The following ZNF644 variants were observed in gnomAD, a reference collection of about 807,000 sequenced individuals.
The protein encoded by ZNF644 is zinc finger motif enhancer binding protein 2.
Under a neutral mutation model 108.0 loss-of-function variants are expected in ZNF644, and 20 were observed. The ratio of observed to expected loss-of-function variants is 0.19; its 90% confidence interval spans 0.13 to 0.27. The LOEUF is 0.27. Among genes scored for constraint, ZNF644 ranks in the 10% least tolerant of loss-of-function variants. The pLI is 1.00. For missense variants in ZNF644, 1,338 were observed against 1,548.9 expected (o/e 0.86, Z 2.29); for synonymous variants, 542 against 539.1 (o/e 1.01, Z -0.08).
chr1:90,928,177 G>C (rs530454953), intron 4 of ZNF644, among the ~76,000 whole-genome samples: 4 of 151,304 alleles, frequency 2.6e-5, no homozygotes, highest in East Asian at 3.9e-4. Flanking sequence ...TTATGAGACG[G>C]AGTCTCACTC....
intron 2 of ZNF644, among the ~76,000 whole-genome samples, chr1:90,947,058 G>A (rs1017179714): frequency 3.9e-5 from 6 of 152,110 alleles, no homozygotes; most frequent in African/African-American, 1.2e-4. Context: ...GCCCTACAAA[G>A]ACATAACTTT....
At chr1:91,016,000 CA>C (rs1660399630) in intron 1 of ZNF644, among the ~76,000 whole-genome samples, 2 of 152,192 alleles carry the variant, frequency 1.3e-5, no homozygotes, top group African/African-American at 4.8e-5. Context: ...GCCTAGTGCT[CA>C]CACAGCTAAA....
intron 1 of ZNF644, among the ~76,000 whole-genome samples, chr1:90,998,965 GAATGA>G (rs1295443314): frequency 6.6e-6 from 1 of 152,246 alleles, no homozygotes; most frequent in Non-Finnish European, 1.5e-5. Context: ...AAGATCAAAT[GAATGA>G]AATGAAATGA....
At position 90,939,099 on chromosome 1, in the gene ZNF644, T is replaced by G; in HGVS notation, c.2255A>C (p.Lys752Thr). The change falls in exon 3 of 6, where the codon AAA becomes ACA. Residue 752 changes from lysine (K) to threonine (T), a missense_variant. Physicochemically the swap from Lys to Thr is moderately conservative, Grantham distance 78. Transcript: ENST00000337393. ...ATGCACAGGATATGATTCACCTGAT[T>G]TTTTGATCATCCTATAGTTTTCATA... ...HKYENYRMIK[K>T]SGESYPVHFK... 2 of 1,614,006 alleles carry G rather than the reference T, an allele frequency of 1.2e-6. No individual in the cohort carries two copies. Among genetic ancestry groups the G allele is most frequent in the Non-Finnish European group, 1.7e-6 (2 of 1,179,912 alleles).
chr1:90,962,989 GATA>G (rs1415938525), intron 2 of ZNF644, among the ~76,000 whole-genome samples: 3 of 152,058 alleles, frequency 2.0e-5, no homozygotes, highest in Non-Finnish European at 2.9e-5. Flanking sequence ...TTCATTAACA[GATA>G]ATATTAAGAA....
rs375683355 is a variant in ZNF644 at position 90,972,305 on chromosome 1, T to C, written c.44+10005A>G. 1.1e-4 allele frequency among the ~76,000 whole-genome samples: 16 copies of C among 152,114 alleles called. No individual in the cohort carries two copies. The East Asian group carries it at 2.9e-3, about 28-fold the overall frequency. The stretch of plus-strand genomic sequence containing the variant: ...ACAACTCAACAGAAAAACAACATGA[T>C]TAAAAAATGGGCAAAAGACTTGAAT... On this transcript the variant is annotated intron_variant, in intron 2 of 5. Coordinates refer to ENST00000337393, the MANE Select transcript of ZNF644 (RefSeq NM_201269.3).
chr1:90,929,597 A>G (rs928279395), intron 4 of ZNF644, among the ~76,000 whole-genome samples: 3 of 152,246 alleles, frequency 2.0e-5, no homozygotes, highest in Non-Finnish European at 2.9e-5. Flanking sequence ...TCATGAATGA[A>G]CAAATAATTT....
At chr1:90,994,985 C>T (rs1438680476) in intron 1 of ZNF644, among the ~76,000 whole-genome samples, 1 of 152,138 alleles carries the variant, frequency 6.6e-6, no homozygotes, top group Non-Finnish European at 1.5e-5. Flanking sequence ...ACCTGCAACT[C>T]TAAGAACATT....
At chr1:90,926,870 C>T (rs1292347154) in intron 4 of ZNF644, among the ~76,000 whole-genome samples, 2 of 152,146 alleles carry the variant, frequency 1.3e-5, no homozygotes, top group African/African-American at 4.8e-5. Flanking sequence ...ATTTAAAAAG[C>T]AATTTCAAAA....
intron 2 of ZNF644, among the ~76,000 whole-genome samples, chr1:90,958,120 T>C (rs1653932126): frequency 6.7e-6 from 1 of 149,842 alleles, no homozygotes; most frequent in Admixed American, 6.7e-5. Context: ...AAATAAAAAC[T>C]AGCTGGGCGT....
intron 2 of ZNF644, among the ~76,000 whole-genome samples, chr1:90,942,250 A>C (rs1557577883): frequency 6.6e-6 from 1 of 152,224 alleles, no homozygotes. Flanking sequence ...AAATGTAGAT[A>C]AAACTTTTCT....
chr1:90,975,436 C>CTT (rs1243944087), intron 2 of ZNF644, among the ~76,000 whole-genome samples: 53 of 135,346 alleles, frequency 3.9e-4, no homozygotes, highest in African/African-American at 6.8e-4. Context: ...CAAATATCTA[C>CTT]TTTTTTTTTT....
chr1:90,921,022 T>C (rs939066766), intron 4 of ZNF644, among the ~76,000 whole-genome samples: 6 of 152,064 alleles, frequency 3.9e-5, no homozygotes, highest in South Asian at 4.1e-4. Context: ...CTGTTTAAAA[T>C]TGAGTATTTA....
At chr1:90,931,482 A>G (rs1650723225) in intron 4 of ZNF644, among the ~76,000 whole-genome samples, 1 of 152,026 alleles carries the variant, frequency 6.6e-6, no homozygotes, top group Non-Finnish European at 1.5e-5. Flanking sequence ...AAACCCTTTG[A>G]TTCTAGTCTA....
chr1:90,926,363 A>C (rs1181106949), intron 4 of ZNF644, among the ~76,000 whole-genome samples: 2 of 152,186 alleles, frequency 1.3e-5, no homozygotes, highest in Admixed American at 6.5e-5. Context: ...CTCCTCCTAT[A>C]ATCTGTTGAA....
chr1:90,993,447 AC>A (rs1445449248), intron 1 of ZNF644, among the ~76,000 whole-genome samples: 1 of 152,130 alleles, frequency 6.6e-6, no homozygotes, highest in Non-Finnish European at 1.5e-5. Flanking sequence ...CAGAAACGCC[AC>A]CTGGCTGACT....
intron 1 of ZNF644, among the ~76,000 whole-genome samples, chr1:91,009,589 T>C (rs763380338): frequency 6.6e-5 from 10 of 152,330 alleles, no homozygotes; most frequent in Admixed American, 5.2e-4. Flanking sequence ...CCTGTTTTCC[T>C]GCCAGCTCCA....
At chr1:90,941,613 A>T (rs1011672877) in intron 2 of ZNF644, among the ~76,000 whole-genome samples, 4 of 152,192 alleles carry the variant, frequency 2.6e-5, no homozygotes, top group African/African-American at 7.2e-5. Flanking sequence ...ACAGATACAC[A>T]TGTATACACA....
chr1:90,920,340 C>T (rs1278880239), intron 4 of ZNF644, among the ~76,000 whole-genome samples: 1 of 151,764 alleles, frequency 6.6e-6, no homozygotes, highest in Admixed American at 6.6e-5. Context: ...TTATAACAAC[C>T]CTTAAAAATT....
Sources: gnomAD v4.1 joint callset for allele counts (sites outside exome capture counted in the v4.1 genomes callset) on GRCh38, gnomAD v4.1.1 for gene constraint, MANE v1.5 for transcripts, NCBI Gene and HGNC (gene_info 2026-07-23, HGNC 2026-07-21) for gene names.